The following SND1 variants were observed in gnomAD, a reference collection of about 807,000 sequenced individuals.
SND1 encodes the protein staphylococcal nuclease domain-containing protein 1.
In SND1, 38 loss-of-function variants were observed where a neutral mutation model predicts 121.7. That is an observed-to-expected ratio of 0.31 (90% confidence interval 0.24 to 0.41). SND1 has a LOEUF of 0.41. Among genes scored for constraint, SND1 ranks in the 10% least tolerant of loss-of-function variants. The pLI, the probability that SND1 is intolerant of heterozygous loss-of-function variation, is 1.00. For synonymous variants in SND1, 401 were observed against 447.4 expected (o/e 0.90, Z 1.31); for missense variants, 868 against 1,184.6 (o/e 0.73, Z 3.92).
At chr7:127,768,214 T>C (rs1198327326) in intron 10 of SND1, among the ~76,000 whole-genome samples, 1 of 152,178 alleles carries the variant, frequency 6.6e-6, no homozygotes, top group Non-Finnish European at 1.5e-5. Flanking sequence ...GTTCTCTGAT[T>C]TTAATCAAAA....
At chr7:127,919,581 G>A (rs184401215) in intron 14 of SND1, among the ~76,000 whole-genome samples, 2 of 152,246 alleles carry the variant, frequency 1.3e-5, no homozygotes, top group East Asian at 3.9e-4. Flanking sequence ...TAATTGATGT[G>A]CACAGTTGTA....
rs1792723750 is a variant in SND1, at chr7:128,035,097, C to G, written c.1780-39405C>G. On this transcript the variant is annotated intron_variant, in intron 16 of 23. Transcript: ENST00000354725. ...AAAGCCAGCAGTGATTGGGGAAGGC[C>G]TGTGTCAGCAGCCTGGTATTATAGA... is the stretch of plus-strand genomic sequence containing the variant. Among the ~76,000 whole-genome samples the G allele has an allele frequency of 2.0e-5, 3 of 152,234 alleles. No homozygotes were observed. In the South Asian group the frequency reaches 6.2e-4, roughly 31 times the overall value.
intron 15 of SND1, among the ~76,000 whole-genome samples, chr7:127,978,806 C>T (rs1802189617): frequency 6.6e-6 from 1 of 152,144 alleles, no homozygotes; most frequent in Non-Finnish European, 1.5e-5. Context: ...CCTGCGTCAG[C>T]CTGCCGAGTA....
intron 15 of SND1, among the ~76,000 whole-genome samples, chr7:127,950,888 TA>T (rs1367361571): frequency 3.3e-5 from 5 of 152,196 alleles, no homozygotes; most frequent in African/African-American, 1.2e-4. Context: ...TTATTTTTTT[TA>T]ATCCCCAAAC....
intron 15 of SND1, among the ~76,000 whole-genome samples, chr7:127,959,548 C>G (rs929218501): frequency 1.3e-5 from 2 of 152,186 alleles, no homozygotes; most frequent in Non-Finnish European, 2.9e-5. Context: ...CCTTTGCACT[C>G]TCTTCTGGAT....
intron 12 of SND1, among the ~76,000 whole-genome samples, chr7:127,873,031 T>G (rs972643408): frequency 2.0e-5 from 3 of 152,176 alleles, no homozygotes; most frequent in African/African-American, 7.2e-5. Context: ...TGATATGTTC[T>G]TGACTTTAAG....
intron 10 of SND1, among the ~76,000 whole-genome samples, chr7:127,724,851 T>G (rs989449500): frequency 6.6e-6 from 1 of 152,166 alleles, no homozygotes; most frequent in Non-Finnish European, 1.5e-5. Flanking sequence ...AATGGCATGA[T>G]GAAGAGTTAA....
At chr7:127,919,747 G>C (rs1376400612) in intron 14 of SND1, among the ~76,000 whole-genome samples, 1 of 152,104 alleles carries the variant, frequency 6.6e-6, no homozygotes, top group African/African-American at 2.4e-5. Context: ...TCTTAGAAAA[G>C]TAACTCTAGA....
chr7:127,703,617 C>A (rs944236388), intron 7 of SND1, among the ~76,000 whole-genome samples: 1 of 152,108 alleles, frequency 6.6e-6, no homozygotes, highest in Non-Finnish European at 1.5e-5. Flanking sequence ...GAGGCTGAGG[C>A]AGGAGAACTG....
At chr7:127,920,908 T>C (rs1026196150) in intron 14 of SND1, among the ~76,000 whole-genome samples, 1 of 152,116 alleles carries the variant, frequency 6.6e-6, no homozygotes, top group African/African-American at 2.4e-5. Flanking sequence ...GCATTGTATT[T>C]TCTGTCGATG....
intron 10 of SND1, among the ~76,000 whole-genome samples, chr7:127,776,633 A>G (rs1431544178): frequency 6.6e-6 from 1 of 152,236 alleles, no homozygotes; most frequent in Admixed American, 6.5e-5. Context: ...TGTGAACATG[A>G]TAGTACCTGT....
At chr7:127,939,841 T>A (rs776050195) in intron 15 of SND1, among the ~76,000 whole-genome samples, 2 of 152,212 alleles carry the variant, frequency 1.3e-5, no homozygotes, top group African/African-American at 2.4e-5. Flanking sequence ...GGTAGGTCAG[T>A]GAGGAGTTTC....
intron 12 of SND1, among the ~76,000 whole-genome samples, chr7:127,848,695 C>T (rs1799112438): frequency 6.6e-6 from 1 of 152,194 alleles, no homozygotes; most frequent in Non-Finnish European, 1.5e-5. Flanking sequence ...AGAAGAGCTT[C>T]TCTGAAACTA....
At chr7:128,067,995 G>C (rs1793345807) in intron 16 of SND1, among the ~76,000 whole-genome samples, 1 of 152,062 alleles carries the variant, frequency 6.6e-6, no homozygotes, top group South Asian at 2.1e-4. Flanking sequence ...GCAGCCTCCA[G>C]TGCACCTTCT....
rs185251510 is a variant in SND1, at chr7:127,755,193, C to T, written c.1152+33793C>T. Among the ~76,000 whole-genome samples the T allele has an allele frequency of 8.8e-4, 134 of 152,324 alleles. 2 individuals carry two copies. Among genetic ancestry groups the T allele is most frequent in the African/African-American group, 3.2e-3 (131 of 41,576 alleles). ...CCTGAGTAGATTCATGCTAACTCTT[C>T]ACCGTATCATTACTTATCTGTTGAT... is the stretch of plus-strand genomic sequence containing the variant. On this transcript the variant is annotated intron_variant, in intron 10 of 23. Coordinates refer to ENST00000354725, the MANE Select transcript of SND1 (RefSeq NM_014390.4).
chr7:127,658,704 C>T (rs1221308221), intron 1 of SND1, among the ~76,000 whole-genome samples: 2 of 152,198 alleles, frequency 1.3e-5, no homozygotes, highest in Non-Finnish European at 2.9e-5. Flanking sequence ...TCCTGTGGCT[C>T]ATTAACATGA....
intron 15 of SND1, among the ~76,000 whole-genome samples, chr7:127,969,063 C>T (rs1801918716): frequency 6.6e-6 from 1 of 152,226 alleles, no homozygotes; most frequent in South Asian, 2.1e-4. Flanking sequence ...TTTGCTGCCT[C>T]TGCTATTGCC....
chr7:127,986,970 A>T (rs570480091), intron 15 of SND1, among the ~76,000 whole-genome samples: 1 of 152,368 alleles, frequency 6.6e-6, no homozygotes, highest in Admixed American at 6.5e-5. Flanking sequence ...CTTGTGTCAG[A>T]GGTAAGCTTG....
chr7:127,974,564 C>T (rs936611669), intron 15 of SND1, among the ~76,000 whole-genome samples: 1 of 152,164 alleles, frequency 6.6e-6, no homozygotes, highest in Non-Finnish European at 1.5e-5. Flanking sequence ...AAAATACTGA[C>T]ATTATTTAGG....
Sources: gnomAD v4.1 joint callset for allele counts (sites outside exome capture counted in the v4.1 genomes callset) on GRCh38, gnomAD v4.1.1 for gene constraint, MANE v1.5 for transcripts, NCBI Gene and HGNC (gene_info 2026-07-23, HGNC 2026-07-21) for gene names.